ATXN1: variants seen among roughly 807,000 people sequenced by gnomAD.
ATXN1 encodes the protein ataxin 1.
A neutral mutation model predicts 56.4 loss-of-function variants in ATXN1; 8 were observed. The observed-to-expected ratio is 0.14, with a 90% confidence interval of 0.08 to 0.26. The LOEUF is 0.26. Among genes scored for constraint, ATXN1 ranks in the 10% least tolerant of loss-of-function variants. The pLI is 1.00. For missense variants in ATXN1, 987 were observed against 1,106.5 expected, an observed-to-expected ratio of 0.89 and a Z score of 1.53; for synonymous variants, 514 against 494.6, an observed-to-expected ratio of 1.04 and a Z score of -0.52.
intron 3 of ATXN1, among the ~76,000 whole-genome samples, chr6:16,637,249 A>G (rs1581317926): frequency 6.6e-6 from 1 of 151,998 alleles, no homozygotes; most frequent in Non-Finnish European, 1.5e-5. Flanking sequence ...CGCAAGGACA[A>G]AAAACCAAAC....
At chr6:16,453,895 C>T (rs1289047243) in intron 6 of ATXN1, among the ~76,000 whole-genome samples, 1 of 152,048 alleles carries the variant, frequency 6.6e-6, no homozygotes, top group Non-Finnish European at 1.5e-5. Flanking sequence ...AATCCCAGCA[C>T]TTTGGGAGGC....
chr6:16,601,891 A>G (rs36054439), intron 3 of ATXN1, among the ~76,000 whole-genome samples: 2,429 of 152,272 alleles, frequency 0.016, 48 homozygotes, highest in South Asian at 0.082. Flanking sequence ...AATCCAGAGT[A>G]GAAATACAAG....
In ATXN1 at chr6:16,451,915, G is replaced by A. The variant is rs1381151423; in HGVS notation, c.-161+34057C>T. On this transcript the variant is annotated intron_variant, in intron 6 of 7. Coordinates refer to ENST00000436367, the MANE Select transcript of ATXN1 (RefSeq NM_001128164.2). ...TCCTGTTTCTATCTTCAGTCTTGCT[G>A]TCTTTGTCTTTCTAAGATGCCAGAG... Among the ~76,000 whole-genome samples, 3 of 152,170 alleles carry A rather than the reference G, an allele frequency of 2.0e-5. No homozygotes were observed. The East Asian group carries it at 5.8e-4, about 29-fold the overall frequency.
rs13192226 is a variant in ATXN1, at chr6:16,602,702, G to A, written c.-488-16795C>T. ...CTTGACCTCATGAACCACCCGCTTC[G>A]GCCTCCCAAAGTGCTGAGATTACAG... On this transcript the variant is annotated intron_variant, in intron 3 of 7. Transcript: ENST00000436367. Among the ~76,000 whole-genome samples, 669 of 152,172 alleles carry A rather than the reference G, an allele frequency of 4.4e-3. 4 individuals carry two copies. The highest frequency in any genetic ancestry group is 7.2e-3 in the Non-Finnish European group (488 of 68,008).
At chr6:16,360,719 A>C (rs1761791065) in intron 6 of ATXN1, among the ~76,000 whole-genome samples, 1 of 152,202 alleles carries the variant, frequency 6.6e-6, no homozygotes, top group Admixed American at 6.5e-5. Context: ...GAGAAAGGAG[A>C]TCCTATAAGG....
intron 6 of ATXN1, among the ~76,000 whole-genome samples, chr6:16,462,359 G>A (rs530138456): frequency 1.3e-5 from 2 of 152,302 alleles, no homozygotes; most frequent in African/African-American, 4.8e-5. Flanking sequence ...ACCATTGGAA[G>A]ATTTGTGTCT....
intron 6 of ATXN1, 44 bp downstream of exon 6, chr6:16,485,928 A>G (rs765974620): frequency 6.6e-6 from 1 of 152,192 alleles, no homozygotes; most frequent in Non-Finnish European, 1.5e-5. Flanking sequence ...CATGAATCCT[A>G]CAAGGCAAGC....
At position 16,326,952 on chromosome 6, in the gene ATXN1, G is replaced by C. The variant is rs768486008; in HGVS notation, c.1359C>G (p.Phe453Leu). The change falls in exon 7 of 8, where the codon TTC (phenylalanine) becomes TTG (leucine). Residue 453 changes from phenylalanine to leucine, a missense_variant. By Grantham distance (22) the Phe-to-Leu change is conservative. Around this residue, in one of 3 missense-constraint regions of ATXN1, gnomAD observed 723 missense variants for 791.7 expected, o/e 0.91. Coordinates refer to ENST00000436367, the MANE Select transcript of ATXN1 (RefSeq NM_001128164.2). This position sits in a 1 kb window ranked among gnomAD's most constrained non-coding sequence, Gnocchi z 6.6. ...PLPVGLPATAFYAGTQPPVIG... is the reference protein window; with the variant it reads ...PLPVGLPATALYAGTQPPVIG... ...TGACAGGGGGTTGAGTCCCTGCGTA[G>C]AAGGCCGTGGCTGGCAGTCCCACCG... is the stretch of plus-strand genomic sequence containing the variant. The C allele has an allele frequency of 6.2e-7, 1 of 1,614,172 alleles. No individual in the cohort carries two copies. The highest frequency in any genetic ancestry group is 1.1e-5 in the South Asian group (1 of 91,088).
intron 7 of ATXN1, among the ~76,000 whole-genome samples, chr6:16,315,920 T>G (rs1330690459): frequency 6.6e-6 from 1 of 152,136 alleles, no homozygotes; most frequent in Non-Finnish European, 1.5e-5. Flanking sequence ...TGGCCTCAAG[T>G]GCCCTCTTGC....
At chr6:16,415,758 CTTTTATTAA>C in intron 6 of ATXN1, among the ~76,000 whole-genome samples, 1 of 152,302 alleles carries the variant, frequency 6.6e-6, no homozygotes, top group Admixed American at 6.5e-5. Flanking sequence ...CTGAGTGCCA[CTTTTATTAA>C]TGGGAAACCA....
At chr6:16,707,170 A>T (rs1359952373) in intron 2 of ATXN1, among the ~76,000 whole-genome samples, 1 of 151,908 alleles carries the variant, frequency 6.6e-6, no homozygotes, top group Admixed American at 6.6e-5. Context: ...GCTAGCATCT[A>T]TTTTTTTTAA....
intron 5 of ATXN1, among the ~76,000 whole-genome samples, chr6:16,488,735 A>G (rs996067746): frequency 1.3e-5 from 2 of 152,206 alleles, no homozygotes; most frequent in African/African-American, 4.8e-5. Flanking sequence ...CCAAACTTCT[A>G]TTTGAGTCTC....
chr6:16,657,280 C>G (rs541883838), intron 3 of ATXN1, among the ~76,000 whole-genome samples: 2 of 152,212 alleles, frequency 1.3e-5, no homozygotes, highest in Admixed American at 6.5e-5. Context: ...AGCCACCACA[C>G]CCAGCCCAGT....
chr6:16,701,233 A>T (rs1246999385), intron 2 of ATXN1, among the ~76,000 whole-genome samples: 1 of 152,260 alleles, frequency 6.6e-6, no homozygotes, highest in Non-Finnish European at 1.5e-5. Context: ...ATTTTTTATG[A>T]CACATGTTGA....
chr6:16,450,637 T>G (rs1376959796), intron 6 of ATXN1, among the ~76,000 whole-genome samples: 4 of 152,234 alleles, frequency 2.6e-5, no homozygotes, highest in Non-Finnish European at 5.9e-5. Context: ...GCTATGAGTT[T>G]CTGAAGATTC....
In ATXN1 at chr6:16,710,123, T is replaced by C. The variant is rs909330609; in HGVS notation, c.-615+43110A>G. Among the ~76,000 whole-genome samples the C allele has an allele frequency of 3.9e-5, 6 of 152,148 alleles. No individual in the cohort carries two copies. In the East Asian group the frequency reaches 7.7e-4, roughly 19 times the overall value. Reference sequence around the variant, plus strand: ...ACATCATGATGAAATAGTGGTGAAATAGTTAATACTTTCCCTGTACGATCA... The same window carrying C: ...ACATCATGATGAAATAGTGGTGAAACAGTTAATACTTTCCCTGTACGATCA... On this transcript the variant is annotated intron_variant, in intron 2 of 7. Coordinates refer to ENST00000436367, the MANE Select transcript of ATXN1 (RefSeq NM_001128164.2).
intron 6 of ATXN1, among the ~76,000 whole-genome samples, chr6:16,339,334 G>T (rs997348478): frequency 4.0e-4 from 61 of 152,320 alleles, no homozygotes; most frequent in African/African-American, 1.4e-3. Flanking sequence ...TACTCTGGGA[G>T]AGTCTTAAAA....
At chr6:16,690,174 T>A (rs893576711) in intron 2 of ATXN1, among the ~76,000 whole-genome samples, 1 of 152,160 alleles carries the variant, frequency 6.6e-6, no homozygotes, top group Non-Finnish European at 1.5e-5. Flanking sequence ...ACCCTTTGGC[T>A]GGGACTGCAT....
intron 6 of ATXN1, among the ~76,000 whole-genome samples, chr6:16,457,850 C>T (rs186229552): frequency 5.3e-5 from 8 of 152,274 alleles, no homozygotes; most frequent in African/African-American, 1.9e-4. Flanking sequence ...TCCAAAGGAC[C>T]ACCAAACCCC....
Sources: gnomAD v4.1 joint callset for allele counts (sites outside exome capture counted in the v4.1 genomes callset) on GRCh38, gnomAD v4.1.1 for gene constraint, gnomAD v4.1.1 regional missense constraint, Gnocchi (gnomAD v3.1) non-coding constraint, MANE v1.5 for transcripts, NCBI Gene and HGNC (gene_info 2026-07-23, HGNC 2026-07-21) for gene names.